Variants in DOCK3 observed in about 807,000 individuals in gnomAD.
DOCK3 encodes dedicator of cytokinesis protein 3.
In DOCK3, 60 loss-of-function variants were observed where a neutral mutation model predicts 265.6. That is an observed-to-expected ratio of 0.23 (90% confidence interval 0.18 to 0.28). The LOEUF (loss-of-function observed/expected upper bound fraction) is 0.28, where lower values mean the gene tolerates loss of function less well. DOCK3 is among the 10% of genes least tolerant of loss of function. The pLI is 1.00. For synonymous variants in DOCK3, 881 were observed against 938.0 expected (o/e 0.94, Z 1.11); for missense variants, 1,981 against 2,594.3 (o/e 0.76, Z 5.14).
chr3:50,908,735 G>T lies in DOCK3; in HGVS notation c.218+18654G>T, dbSNP rs190435302. The stretch of plus-strand genomic sequence containing the variant: ...AGTTCTGTAGATATCGATCAGGTTC[G>T]CTTGATCCAGACCTTAGTTCAGGTC... On this transcript the variant is annotated intron_variant, in intron 4 of 52. Coordinates refer to ENST00000266037, the MANE Select transcript of DOCK3 (RefSeq NM_004947.5). 2.0e-5 allele frequency among the ~76,000 whole-genome samples: 3 copies of T among 152,160 alleles called. No homozygotes were observed. In the East Asian group the frequency reaches 5.8e-4, roughly 29 times the overall value.
chr3:50,760,609 A>G (rs1232403335), intron 1 of DOCK3, among the ~76,000 whole-genome samples: 1 of 152,186 alleles, frequency 6.6e-6, no homozygotes, highest in East Asian at 1.9e-4. Flanking sequence ...AGGTTAAATT[A>G]TGATGTTTGA....
At chr3:50,878,819 A>T (rs578065586) in intron 3 of DOCK3, among the ~76,000 whole-genome samples, 1 of 152,358 alleles carries the variant, frequency 6.6e-6, no homozygotes, top group East Asian at 1.9e-4. Flanking sequence ...TCCATGACAC[A>T]TAATTGTCAG....
chr3:50,917,076 T>C lies in DOCK3; in HGVS notation c.219-16905T>C, dbSNP rs562995302. ...TAATGATGTATTATTTTTATTACAC[T>C]ATTGCCTTTGATTTTCTAGATTTTT... is the stretch of plus-strand genomic sequence containing the variant. On this transcript the variant is annotated intron_variant, in intron 4 of 52. Transcript: ENST00000266037. 1.6e-4 allele frequency among the ~76,000 whole-genome samples: 25 copies of C among 152,254 alleles called. 1 individual carries two copies. In the South Asian group the frequency reaches 2.1e-3, roughly 13 times the overall value.
At chr3:51,021,069 A>G (rs1034198532) in intron 5 of DOCK3, among the ~76,000 whole-genome samples, 5 of 151,972 alleles carry the variant, frequency 3.3e-5, no homozygotes, top group Non-Finnish European at 5.9e-5. Flanking sequence ...CAGTATGGCC[A>G]TTTTCACGAT....
intron 3 of DOCK3, among the ~76,000 whole-genome samples, chr3:50,846,807 C>T (rs1421363058): frequency 1.3e-5 from 2 of 152,072 alleles, no homozygotes; most frequent in Admixed American, 6.5e-5. Context: ...AGATCTTCTA[C>T]GTGTTCCTAA....
chr3:51,381,291 C>A lies in DOCK3; in HGVS notation c.5825C>A (p.Ser1942Tyr). 6.2e-7 allele frequency: 1 copy of A among 1,613,758 alleles called. No homozygotes were observed. Among genetic ancestry groups the A allele is most frequent in the Non-Finnish European group, 8.5e-7 (1 of 1,179,880 alleles). ...CCTGTCCACTACAGCCTCTCTGAGT[C>A]TGCCGTCCTGGACTCCATCAAGGCC... ...YLPVHYSLSE[S>Y]AVLDSIKAQP... is the part of the protein sequence containing the mutation. Residue 1942 changes from serine (S) to tyrosine (Y), a missense_variant, in exon 53 of 53, where the codon TCT becomes TAT. By Grantham distance (144) the Ser-to-Tyr change is moderately radical. Transcript: ENST00000266037. The surrounding 1 kb of genome is among the most constrained non-coding windows in gnomAD (Gnocchi z 5.6).
intron 1 of DOCK3, among the ~76,000 whole-genome samples, chr3:50,739,786 T>G (rs1488588179): frequency 1.3e-5 from 2 of 152,152 alleles, no homozygotes; most frequent in African/African-American, 4.8e-5. Context: ...GAACAATCTG[T>G]TATCTGTTTC....
intron 3 of DOCK3, among the ~76,000 whole-genome samples, chr3:50,880,806 C>T (rs1224311063): frequency 6.6e-6 from 1 of 152,120 alleles, no homozygotes; most frequent in Non-Finnish European, 1.5e-5. Flanking sequence ...ATACCAAAGC[C>T]GGGCAGAGAC....
chr3:51,212,923 G>C (rs1462484090), intron 13 of DOCK3, among the ~76,000 whole-genome samples: 1 of 151,894 alleles, frequency 6.6e-6, no homozygotes, highest in Non-Finnish European at 1.5e-5. Flanking sequence ...TAATTATGAG[G>C]TTCTGTCCAG....
rs181075790 is a variant in DOCK3 at position 51,149,656 on chromosome 3, A to G, written c.828+3026A>G. ...CTGGATTACATTTATTGATTTGTGT[A>G]TGTTGAACCAGCCTTGCATCCCAGG... On this transcript the variant is annotated intron_variant, in intron 10 of 52. Coordinates refer to ENST00000266037, the MANE Select transcript of DOCK3 (RefSeq NM_004947.5). Among the ~76,000 whole-genome samples, 315 of 152,304 alleles carry G rather than the reference A, an allele frequency of 2.1e-3. 1 individual carries two copies. The highest frequency in any genetic ancestry group is 3.5e-3 in the Non-Finnish European group (236 of 68,036).
chr3:51,031,247 A>G (rs1419962241), intron 5 of DOCK3, among the ~76,000 whole-genome samples: 2 of 152,182 alleles, frequency 1.3e-5, no homozygotes, highest in Non-Finnish European at 1.5e-5. Context: ...GTGGATATCT[A>G]TCCTGATCAA....
At chr3:51,208,347 T>C (rs1311580460) in intron 12 of DOCK3, among the ~76,000 whole-genome samples, 1 of 152,200 alleles carries the variant, frequency 6.6e-6, no homozygotes, top group African/African-American at 2.4e-5. Context: ...GGGCCAGTCA[T>C]AATGACAGTT....
chr3:50,788,015 T>A, intron 2 of DOCK3: 1 of 753,982 alleles, frequency 1.3e-6, no homozygotes, highest in Non-Finnish European at 2.3e-6. Flanking sequence ...CTTAATAGCA[T>A]GCACATCAGA....
chr3:51,069,698 C>A (rs2081770170), intron 6 of DOCK3, among the ~76,000 whole-genome samples: 2 of 152,090 alleles, frequency 1.3e-5, no homozygotes, highest in African/African-American at 4.8e-5. Flanking sequence ...CATATTCTAA[C>A]CCATCTATAT....
chr3:50,677,489 A>G (rs1167911642), intron 1 of DOCK3, among the ~76,000 whole-genome samples: 1 of 152,180 alleles, frequency 6.6e-6, no homozygotes, highest in Non-Finnish European at 1.5e-5. Flanking sequence ...AAATATAACC[A>G]TTATCATTTT....
At chr3:51,249,876 G>C (rs1161599509) in intron 22 of DOCK3, among the ~76,000 whole-genome samples, 4 of 147,348 alleles carry the variant, frequency 2.7e-5, no homozygotes, top group African/African-American at 5.0e-5. Flanking sequence ...GATGGTTGCC[G>C]TGTCTGTGTA....
At chr3:50,959,860 G>A (rs893256440) in intron 5 of DOCK3, among the ~76,000 whole-genome samples, 4 of 152,140 alleles carry the variant, frequency 2.6e-5, no homozygotes, top group African/African-American at 7.2e-5. Context: ...GATTATAGGC[G>A]TGAGCCACCA....
intron 1 of DOCK3, among the ~76,000 whole-genome samples, chr3:50,738,313 A>G (rs1468989668): frequency 6.6e-6 from 1 of 152,122 alleles, no homozygotes; most frequent in Non-Finnish European, 1.5e-5. Context: ...CAAACTGGCA[A>G]TTGGAGCCTG....
chr3:51,278,624 A>G (rs1576631985), intron 26 of DOCK3: 1 of 809,044 alleles, frequency 1.2e-6, no homozygotes, highest in Non-Finnish European at 1.5e-6. Flanking sequence ...ACATATATAT[A>G]TATATATATG....
Sources: gnomAD v4.1 joint callset for allele counts (sites outside exome capture counted in the v4.1 genomes callset) on GRCh38, gnomAD v4.1.1 for gene constraint, Gnocchi (gnomAD v3.1) non-coding constraint, MANE v1.5 for transcripts, NCBI Gene and HGNC (gene_info 2026-07-23, HGNC 2026-07-21) for gene names.